The following RUNDC3B variants were observed in gnomAD, a reference collection of about 807,000 sequenced individuals.
The protein encoded by RUNDC3B is RUN domain containing 3B, also known as RUN domain-containing protein 3B.
In RUNDC3B, 33 loss-of-function variants were observed where a neutral mutation model predicts 58.4. The ratio of observed to expected loss-of-function variants is 0.56; its 90% CI spans 0.43 to 0.75. The LOEUF (loss-of-function observed/expected upper bound fraction) is 0.75, where lower values mean the gene tolerates loss of function less well. RUNDC3B is among the 30% of genes least tolerant of loss of function. RUNDC3B has a pLI of 0.00. For missense variants in RUNDC3B, 501 were observed against 535.7 expected, an observed-to-expected ratio of 0.94 and a Z score of 0.64; for synonymous variants, 193 against 195.2, an observed-to-expected ratio of 0.99 and a Z score of 0.10.
At chr7:87,794,677 G>A (rs1168106674) in intron 8 of RUNDC3B, among the ~76,000 whole-genome samples, 2 of 145,908 alleles carry the variant, frequency 1.4e-5, no homozygotes, top group Non-Finnish European at 3.0e-5. Context: ...ACCCAGAATA[G>A]CTAAAGCTAT....
intron 4 of RUNDC3B, among the ~76,000 whole-genome samples, chr7:87,722,438 A>T (rs539855110): frequency 6.6e-6 from 1 of 152,308 alleles, no homozygotes; most frequent in African/African-American, 2.4e-5. Context: ...TGTAAGTGAG[A>T]TAATGAAGTA....
intron 3 of RUNDC3B, among the ~76,000 whole-genome samples, chr7:87,700,910 A>G (rs1232522667): frequency 1.3e-5 from 2 of 152,260 alleles, no homozygotes; most frequent in East Asian, 3.8e-4. Flanking sequence ...GAATTAATGC[A>G]GTGACATCAA....
intron 2 of RUNDC3B, among the ~76,000 whole-genome samples, chr7:87,675,687 GGAAA>G (rs1209230941): frequency 7.5e-6 from 1 of 134,174 alleles, no homozygotes; most frequent in Non-Finnish European, 1.6e-5. Flanking sequence ...AAAGAAAGAA[GGAAA>G]GAAAGAAAAC....
intron 7 of RUNDC3B, among the ~76,000 whole-genome samples, chr7:87,776,454 A>G (rs1834632894): frequency 6.6e-6 from 1 of 152,118 alleles, no homozygotes; most frequent in South Asian, 2.1e-4. Flanking sequence ...AACCAAGCAA[A>G]ACTAAACAAC....
chr7:87,746,940 C>T (rs1040527333), intron 6 of RUNDC3B, among the ~76,000 whole-genome samples: 4 of 152,158 alleles, frequency 2.6e-5, no homozygotes, highest in Non-Finnish European at 2.9e-5. Context: ...CCATGATTAG[C>T]GTAATGACTA....
intron 2 of RUNDC3B, chr7:87,693,764 C>A: frequency 1.5e-6 from 1 of 663,060 alleles, no homozygotes; most frequent in Non-Finnish European, 2.5e-6. Flanking sequence ...TAACAGAGTT[C>A]ATTTATTTAG....
chr7:87,656,569 G>A (rs1213349235), intron 2 of RUNDC3B, among the ~76,000 whole-genome samples: 1 of 151,916 alleles, frequency 6.6e-6, no homozygotes, highest in African/African-American at 2.4e-5. Flanking sequence ...GAAAGCAAGG[G>A]AAGATAAAGG....
At chr7:87,750,459 C>A (rs1832904207) in intron 6 of RUNDC3B, among the ~76,000 whole-genome samples, 1 of 151,668 alleles carries the variant, frequency 6.6e-6, no homozygotes. Flanking sequence ...GCCACACTGA[C>A]TTCCACAATG....
chr7:87,713,380 A>G (rs540240137), intron 4 of RUNDC3B: 3 of 152,292 alleles, frequency 2.0e-5, no homozygotes, highest in East Asian at 1.9e-4. Context: ...TGAAAGCACT[A>G]ATCAGTGAAA....
chr7:87,687,540 C>A (rs1401766772), intron 2 of RUNDC3B, among the ~76,000 whole-genome samples: 2 of 152,140 alleles, frequency 1.3e-5, no homozygotes, highest in African/African-American at 2.4e-5. Context: ...GTAAGCTTTA[C>A]CAGGACTAAG....
At position 87,641,095 on chromosome 7, in the gene RUNDC3B, T is replaced by G. The variant is rs529690365; in HGVS notation, c.123-9727T>G. On this transcript the variant is annotated intron_variant, in intron 1 of 10. Transcript: ENST00000394654. ...ATCTTTTGTCACATCTAGAATGTTA[T>G]TGAATGCCACACAATGTTTATTAAG... Among the ~76,000 whole-genome samples the G allele has an allele frequency of 2.0e-5, 3 of 152,338 alleles. No homozygotes were observed. In the South Asian group the frequency reaches 6.2e-4, roughly 32 times the overall value.
chr7:87,651,844 A>G (rs1419326501), intron 2 of RUNDC3B, among the ~76,000 whole-genome samples: 1 of 152,116 alleles, frequency 6.6e-6, no homozygotes, highest in African/African-American at 2.4e-5. Flanking sequence ...ACTACATGGG[A>G]GAAAAAATAT....
At chr7:87,729,288 G>T (rs534550329) in intron 4 of RUNDC3B, among the ~76,000 whole-genome samples, 1 of 152,070 alleles carries the variant, frequency 6.6e-6, no homozygotes, top group African/African-American at 2.4e-5. Context: ...AAGTGCAATC[G>T]CAGTGTGTGG....
intron 4 of RUNDC3B, 106 bp downstream of exon 4, chr7:87,710,761 T>C (rs1206651025): frequency 1.0e-5 from 6 of 581,330 alleles, no homozygotes; most frequent in Non-Finnish European, 1.8e-5. Context: ...TCAACTGTTT[T>C]ATTTCCTCCT....
chr7:87,712,661 A>T lies in RUNDC3B; in HGVS notation c.458+2006A>T, dbSNP rs536433674. On this transcript the variant is annotated intron_variant, in intron 4 of 10. Transcript: ENST00000394654. ...CAAGTAGTTTAAATATTTAAAGGAA[A>T]TGCTTTCTGCCTTGTTCTTAAGTGT... Among the ~76,000 whole-genome samples the T allele has an allele frequency of 2.0e-5, 3 of 152,222 alleles. No individual in the cohort carries two copies. The East Asian group carries it at 5.8e-4, about 29-fold the overall frequency.
At chr7:87,766,008 ATCT>A (rs1402190793) in intron 6 of RUNDC3B, among the ~76,000 whole-genome samples, 1 of 152,044 alleles carries the variant, frequency 6.6e-6, no homozygotes, top group Non-Finnish European at 1.5e-5. Context: ...GAACAGTTAA[ATCT>A]TCTTGTTGAA....
intron 9 of RUNDC3B, among the ~76,000 whole-genome samples, chr7:87,813,823 C>CAA (rs773576280): frequency 6.7e-6 from 1 of 149,240 alleles, no homozygotes; most frequent in Non-Finnish European, 1.5e-5. Context: ...ACTAAAAATA[C>CAA]AAAAAAAAAT....
intron 6 of RUNDC3B, among the ~76,000 whole-genome samples, chr7:87,763,461 C>A (rs544569758): frequency 6.6e-6 from 1 of 151,688 alleles, no homozygotes. Context: ...TGGCACATCT[C>A]TAACGTTTTA....
chr7:87,693,357 A>G (rs1362074276), intron 2 of RUNDC3B, among the ~76,000 whole-genome samples: 1 of 152,214 alleles, frequency 6.6e-6, no homozygotes, highest in Non-Finnish European at 1.5e-5. Flanking sequence ...AGAAAACATA[A>G]AAGTTTTAAC....
Sources: allele counts gnomAD v4.1 joint callset (sites outside exome capture counted in the v4.1 genomes callset), GRCh38; gene constraint gnomAD v4.1.1; transcripts MANE v1.5; gene names NCBI Gene and HGNC (gene_info 2026-07-23, HGNC 2026-07-21).